Variants in SGIP1 observed in about 807,000 individuals in gnomAD.
The protein encoded by SGIP1 is SH3-containing GRB2-like protein 3-interacting protein 1.
A neutral mutation model predicts 107.5 loss-of-function variants in SGIP1; 38 were observed. That is an observed-to-expected ratio of 0.35 (90% CI 0.27 to 0.46). SGIP1 has a LOEUF of 0.46. SGIP1 is among the 20% of genes least tolerant of loss of function. SGIP1 has a pLI of 1.00. For missense variants in SGIP1, 929 were observed against 1,019.5 expected (o/e 0.91, Z 1.21); for synonymous variants, 365 against 366.1 (o/e 1.00, Z 0.03).
At chr1:66,634,550 G>T (rs2075422303) in intron 3 of SGIP1, among the ~76,000 whole-genome samples, 1 of 152,112 alleles carries the variant, frequency 6.6e-6, no homozygotes, top group African/African-American at 2.4e-5. Flanking sequence ...CCAGGGCAGG[G>T]CTTCATGCCT....
intron 17 of SGIP1, chr1:66,694,535 C>T (rs776375473): frequency 1.3e-6 from 2 of 1,527,860 alleles, no homozygotes; most frequent in Admixed American, 4.7e-5. Context: ...TCTCTAGAGA[C>T]CTAGATTCCA....
At chr1:66,544,083 T>G (rs1466113604) in intron 1 of SGIP1, among the ~76,000 whole-genome samples, 1 of 152,220 alleles carries the variant, frequency 6.6e-6, no homozygotes, top group Non-Finnish European at 1.5e-5. Context: ...TTGCTTTTTC[T>G]GTAGATTATT....
intron 1 of SGIP1, among the ~76,000 whole-genome samples, chr1:66,559,022 G>A (rs937169274): frequency 2.0e-5 from 3 of 152,014 alleles, no homozygotes; most frequent in Admixed American, 2.0e-4. Flanking sequence ...GAAAGGAGAA[G>A]GATGCTAAGC....
At chr1:66,551,810 A>G (rs2148281522) in intron 1 of SGIP1, among the ~76,000 whole-genome samples, 1 of 152,306 alleles carries the variant, frequency 6.6e-6, no homozygotes, top group East Asian at 1.9e-4. Flanking sequence ...GCCATATATA[A>G]GGCACCTGCC....
chr1:66,630,305 C>T (rs112831840), intron 2 of SGIP1, among the ~76,000 whole-genome samples: 5 of 152,312 alleles, frequency 3.3e-5, no homozygotes, highest in African/African-American at 9.6e-5. Context: ...AACACCACAG[C>T]CAGGCCAATC....
intron 6 of SGIP1, 78 bp downstream of exon 6, chr1:66,642,942 G>A: frequency 3.2e-6 from 4 of 1,265,064 alleles, no homozygotes; most frequent in Non-Finnish European, 4.5e-6. Context: ...TTTTACAAAA[G>A]TAATAAAATA....
chr1:66,604,208 G>A (rs752159342), intron 1 of SGIP1, among the ~76,000 whole-genome samples: 2 of 152,094 alleles, frequency 1.3e-5, no homozygotes, highest in Non-Finnish European at 2.9e-5. Context: ...TGTTTCTACC[G>A]ATAAAAGAAG....
chr1:66,717,817 T>C (rs1433074933), intron 18 of SGIP1, among the ~76,000 whole-genome samples: 1 of 152,128 alleles, frequency 6.6e-6, no homozygotes, highest in African/African-American at 2.4e-5. Context: ...ATAGGCAATA[T>C]ATGTAAAACA....
chr1:66,686,775 G>A (rs1007085617), intron 15 of SGIP1, among the ~76,000 whole-genome samples: 8 of 152,110 alleles, frequency 5.3e-5, no homozygotes, highest in Non-Finnish European at 1.0e-4. Context: ...ATTTCAATGG[G>A]GCATCCGTAA....
intron 1 of SGIP1, among the ~76,000 whole-genome samples, chr1:66,541,527 T>C (rs1314155663): frequency 2.6e-5 from 4 of 152,228 alleles, no homozygotes. Context: ...GCTTGAACAT[T>C]TTCACAGAAA....
In SGIP1 at chr1:66,690,196, C is replaced by A; in HGVS notation, c.1450C>A (p.Pro484Thr). ...TCTTTTCTTCTCCTTACAGTCCAGA[C>A]CTTTTAGCCCTCCCATTCATTCTTC... Reference protein sequence around the residue: ...GKPGVGDVSRPFSPPIHSSSP... With the variant: ...GKPGVGDVSRTFSPPIHSSSP... The change falls in exon 17 of 25, where the codon CCT becomes ACT. Residue 484 changes from proline (P) to threonine (T), a missense_variant. Around this residue, in one of 2 missense-constraint regions of SGIP1, gnomAD observed 341 missense variants for 430.9 expected, o/e 0.79. Coordinates refer to ENST00000371037, the MANE Select transcript of SGIP1 (RefSeq NM_032291.4). 3 of 1,614,060 alleles carry A rather than the reference C, an allele frequency of 1.9e-6. No homozygotes were observed. The highest frequency in any genetic ancestry group is 2.5e-6 in the Non-Finnish European group (3 of 1,179,978).
intron 15 of SGIP1, among the ~76,000 whole-genome samples, chr1:66,687,813 G>A (rs2088803556): frequency 6.6e-6 from 1 of 152,196 alleles, no homozygotes; most frequent in Admixed American, 6.5e-5. Flanking sequence ...TAGTGGTAGA[G>A]GAAGGTGGAG....
chr1:66,568,253 CT>C (rs1303660221), intron 1 of SGIP1, among the ~76,000 whole-genome samples: 1 of 151,938 alleles, frequency 6.6e-6, no homozygotes, highest in Non-Finnish European at 1.5e-5. Flanking sequence ...GGTTTTTATT[CT>C]CTTTTTGCCC....
At chr1:66,594,206 C>CT (rs5774825) in intron 1 of SGIP1, among the ~76,000 whole-genome samples, 26,815 of 151,934 alleles carry the variant, frequency 0.18, 2,830 homozygotes, top group East Asian at 0.46. Context: ...AAAATATAAA[C>CT]TTTTTTTCAT....
chr1:66,558,137 G>C (rs1435809818), intron 1 of SGIP1, among the ~76,000 whole-genome samples: 1 of 152,016 alleles, frequency 6.6e-6, no homozygotes, highest in Non-Finnish European at 1.5e-5. Context: ...TTATAGACCT[G>C]TTCCAATGAC....
chr1:66,667,795 T>C lies in SGIP1; in HGVS notation c.483+254T>C, dbSNP rs999911316. Among the ~76,000 whole-genome samples, 3 of 152,214 alleles carry C rather than the reference T, an allele frequency of 2.0e-5. No individual in the cohort carries two copies. In the East Asian group the frequency reaches 5.8e-4, roughly 29 times the overall value. ...CTCCTAGTACTAAACTTGGAAAATA[T>C]ATGGAGTGTGTGTGTATATATGTGT... On this transcript the variant is annotated intron_variant, in intron 9 of 24. Transcript: ENST00000371037.
intron 1 of SGIP1, among the ~76,000 whole-genome samples, chr1:66,610,863 CTAAGTAAAG>C (rs1396059312): frequency 1.3e-5 from 2 of 151,964 alleles, no homozygotes; most frequent in Non-Finnish European, 2.9e-5. Context: ...GACCATTATT[CTAAGTAAAG>C]TAACTCAGGA....
chr1:66,715,757 C>T lies in SGIP1; in HGVS notation c.1631-3537C>T, dbSNP rs1182109136. On this transcript the variant is annotated intron_variant, in intron 18 of 24. Coordinates refer to ENST00000371037, the MANE Select transcript of SGIP1 (RefSeq NM_032291.4). ...ACTAAAACCTCCAGGTGCTTTTTTT[C>T]ACATATTCTTCTACCAAGCAAGTTT... 2.0e-5 allele frequency among the ~76,000 whole-genome samples: 3 copies of T among 152,062 alleles called. No individual in the cohort carries two copies. In the East Asian group the frequency reaches 5.8e-4, roughly 29 times the overall value.
At chr1:66,552,859 G>A (rs900234335) in intron 1 of SGIP1, among the ~76,000 whole-genome samples, 2 of 152,130 alleles carry the variant, frequency 1.3e-5, no homozygotes, top group East Asian at 1.9e-4. Context: ...GAGAGAAAAC[G>A]ACTTCAACCA....
Sources: allele counts gnomAD v4.1 joint callset (sites outside exome capture counted in the v4.1 genomes callset), GRCh38; gene constraint gnomAD v4.1.1; regional missense constraint gnomAD v4.1.1; transcripts MANE v1.5; gene names NCBI Gene and HGNC (gene_info 2026-07-23, HGNC 2026-07-21).